Variants in PPIL1 observed in about 807,000 individuals in gnomAD.
PPIL1 encodes the protein peptidyl-prolyl cis-trans isomerase-like 1.
Under a neutral mutation model 19.4 loss-of-function variants are expected in PPIL1, and 14 were observed. The observed-to-expected ratio is 0.72, with a 90% CI of 0.48 to 1.13. The LOEUF is 1.13. Ranked by LOEUF, PPIL1 falls within the 50% of genes most tolerant of loss-of-function variation. The pLI is 0.00. For missense variants in PPIL1, 192 were observed against 218.0 expected (o/e 0.88, Z 0.75); for synonymous variants, 72 against 73.6 (o/e 0.98, Z 0.11).
At chr6:36,865,585 A>C (rs551923498) in intron 2 of PPIL1, among the ~76,000 whole-genome samples, 2 of 152,200 alleles carry the variant, frequency 1.3e-5, no homozygotes, top group South Asian at 2.1e-4. Context: ...TCCTAAATTC[A>C]AAATGCCCTT....
intron 2 of PPIL1, among the ~76,000 whole-genome samples, chr6:36,866,746 G>A (rs757553278): frequency 6.6e-6 from 1 of 152,074 alleles, no homozygotes; most frequent in African/African-American, 2.4e-5. Context: ...AACAACATGA[G>A]GGGGAGAGAG....
intron 1 of PPIL1, among the ~76,000 whole-genome samples, chr6:36,872,196 C>T (rs1261027560): frequency 1.3e-5 from 2 of 151,418 alleles, no homozygotes; most frequent in Admixed American, 6.6e-5. Context: ...CCAATATAAC[C>T]AACCCCTAAA....
Position 36,855,795 on chromosome 6 carries a change from C to T in PPIL1, c.*18G>A. 1 of 1,611,794 alleles carries T rather than the reference C, an allele frequency of 6.2e-7. No individual in the cohort carries two copies. Among genetic ancestry groups the T allele is most frequent in the South Asian group, 1.1e-5 (1 of 91,026 alleles). ...CACTGGGGCCATCTCAGAAGAGCTG[C>T]TCAAGAGGGTAGCAAGTCTACCCAG... is the stretch of plus-strand genomic sequence containing the variant. On this transcript the variant is annotated 3_prime_UTR_variant, in exon 4 of 4. Coordinates refer to ENST00000373699, the MANE Select transcript of PPIL1 (RefSeq NM_016059.5).
chr6:36,856,942 C>T (rs1389345796), intron 2 of PPIL1, among the ~76,000 whole-genome samples: 7 of 152,304 alleles, frequency 4.6e-5, no homozygotes, highest in Admixed American at 3.9e-4. Flanking sequence ...AGAACATTAT[C>T]AAAAGAACAT....
In PPIL1 at chr6:36,871,834, G is replaced by C; in HGVS notation, c.95C>G (p.Ala32Gly). ...AGCAAAGTTCTTACAGGTCTTTGGA[G>C]CATGCTTCCAGTACAGCTCCAGCAC... ...IIVLELYWKH[A>G]PKTCKNFAEL... The change falls in exon 2 of 4, where the codon GCT (alanine) becomes GGT (glycine). Residue 32 changes from alanine (A) to glycine (G), a missense_variant. Coordinates refer to ENST00000373699, the MANE Select transcript of PPIL1 (RefSeq NM_016059.5). The C allele has an allele frequency of 6.2e-7, 1 of 1,610,500 alleles. No individual in the cohort carries two copies. The highest frequency in any genetic ancestry group is 8.5e-7 in the Non-Finnish European group (1 of 1,178,800).
intron 2 of PPIL1, among the ~76,000 whole-genome samples, chr6:36,861,061 A>G (rs1021284515): frequency 2.0e-5 from 3 of 151,948 alleles, no homozygotes; most frequent in Non-Finnish European, 2.9e-5. Flanking sequence ...TATAAAAACT[A>G]TTCTTATACT....
rs541134865 is a variant in PPIL1, at chr6:36,855,628, G to T, written c.*185C>A. The T allele has an allele frequency of 6.4e-6, 4 of 625,158 alleles. No individual in the cohort carries two copies. In the South Asian group the frequency reaches 7.8e-5, roughly 12 times the overall value. The allele number at this position is 625,158 out of a possible 1,614,324, so 38.7% of individuals were successfully genotyped here. ...AAATGCTCTGGCAACCTAGGCACTG[G>T]GGGAAGAGAAAAGAAGCATCCTATT... On this transcript the variant is annotated 3_prime_UTR_variant, in exon 4 of 4. Coordinates refer to ENST00000373699, the MANE Select transcript of PPIL1 (RefSeq NM_016059.5).
In PPIL1 at chr6:36,855,455, A is replaced by G; in HGVS notation, c.*358T>C. The stretch of plus-strand genomic sequence containing the variant: ...TGTAGGCCAGAATATAAATCTCCTT[A>G]GGAAGAAGTTTGGTTAGGCAAAACC... On this transcript the variant is annotated 3_prime_UTR_variant, in exon 4 of 4. Coordinates refer to ENST00000373699, the MANE Select transcript of PPIL1 (RefSeq NM_016059.5). The G allele has an allele frequency of 2.0e-5, 6 of 297,690 alleles. No homozygotes were observed. The South Asian group carries it at 2.1e-4, about 10-fold the overall frequency. The allele number at this position is 297,690 out of a possible 1,614,324, so 18.4% of individuals were successfully genotyped here. A position where few individuals can be genotyped will look rare whatever the true frequency, so the allele number is the denominator to read the frequency against.
At chr6:36,870,340 C>T (rs1774483214) in intron 2 of PPIL1, among the ~76,000 whole-genome samples, 1 of 152,098 alleles carries the variant, frequency 6.6e-6, no homozygotes, top group Non-Finnish European at 1.5e-5. Context: ...GCCAGTAACT[C>T]CCAAATTAAT....
At chr6:36,859,365 C>T (rs1774231036) in intron 2 of PPIL1, among the ~76,000 whole-genome samples, 1 of 141,958 alleles carries the variant, frequency 7.0e-6, no homozygotes, top group African/African-American at 2.6e-5. Context: ...GCAGAGGTTG[C>T]AGTGAGCTGA....
intron 2 of PPIL1, among the ~76,000 whole-genome samples, chr6:36,857,481 C>T (rs1774191785): frequency 1.3e-5 from 2 of 151,612 alleles, no homozygotes; most frequent in Non-Finnish European, 2.9e-5. Flanking sequence ...ACCCTGACTC[C>T]ATAAATTTTT....
intron 2 of PPIL1, among the ~76,000 whole-genome samples, chr6:36,865,937 G>A (rs1258110839): frequency 6.6e-6 from 1 of 152,164 alleles, no homozygotes; most frequent in Admixed American, 6.5e-5. Context: ...TGTTCAACAC[G>A]TTACATTTCA....
chr6:36,863,745 G>A (rs1468938240), intron 2 of PPIL1, among the ~76,000 whole-genome samples: 1 of 151,916 alleles, frequency 6.6e-6, no homozygotes, highest in Non-Finnish European at 1.5e-5. Flanking sequence ...CTCTTGTCAA[G>A]GTCGCCAGTG....
At chr6:36,867,137 C>T (rs1774411035) in intron 2 of PPIL1, among the ~76,000 whole-genome samples, 1 of 152,178 alleles carries the variant, frequency 6.6e-6, no homozygotes, top group South Asian at 2.1e-4. Flanking sequence ...GCCAGGGGCT[C>T]AGATGTCCCT....
chr6:36,871,777 G>A lies in PPIL1; in HGVS notation c.152C>T (p.Thr51Ile). The A allele has an allele frequency of 6.2e-7, 1 of 1,611,354 alleles. No individual in the cohort carries two copies. Residue 51 changes from threonine (T) to isoleucine (I), a missense_variant, in exon 2 of 4, where the codon ACA becomes ATA. Thr to Ile is a moderately conservative substitution (Grantham distance 89, BLOSUM62 -1). Coordinates refer to ENST00000373699, the MANE Select transcript of PPIL1 (RefSeq NM_016059.5). Reference sequence around the variant, plus strand: ...GTCTTTGATAATTCTGTGGAATTTTGTGCCATTGTAGTAACCTCGACGAGC... The same window carrying A: ...GTCTTTGATAATTCTGTGGAATTTTATGCCATTGTAGTAACCTCGACGAGC... ...ELARRGYYNG[T>I]KFHRIIKDFM...
At position 36,871,799 on chromosome 6, in the gene PPIL1, G is replaced by A. The variant is rs964547412; in HGVS notation, c.130C>T (p.Arg44Cys). The A allele has an allele frequency of 1.3e-5, 21 of 1,611,440 alleles. No homozygotes were observed. Among genetic ancestry groups the A allele is most frequent in the Non-Finnish European group, 1.8e-5 (21 of 1,179,040 alleles). The change falls in exon 2 of 4, where the codon CGT becomes TGT. Residue 44 changes from arginine (R) to cysteine (C), a missense_variant. Coordinates refer to ENST00000373699, the MANE Select transcript of PPIL1 (RefSeq NM_016059.5). ...KTCKNFAELA[R>C]RGYYNGTKFH... is the part of the protein sequence containing the mutation. Reference sequence around the variant, plus strand: ...TTTGTGCCATTGTAGTAACCTCGACGAGCCAACTCAGCAAAGTTCTTACAG... The same window carrying A: ...TTTGTGCCATTGTAGTAACCTCGACAAGCCAACTCAGCAAAGTTCTTACAG...
At chr6:36,867,250 T>C (rs1228734303) in intron 2 of PPIL1, among the ~76,000 whole-genome samples, 1 of 152,168 alleles carries the variant, frequency 6.6e-6, no homozygotes, top group East Asian at 1.9e-4. Flanking sequence ...TAAGGGTATG[T>C]TTCAGTTATT....
Position 36,869,019 on chromosome 6 carries a change from G to T in PPIL1, c.211+2699C>A, listed in dbSNP as rs141372170. Among the ~76,000 whole-genome samples, 552 of 151,812 alleles carry T rather than the reference G, an allele frequency of 3.6e-3. 2 individuals are homozygous for T. Among genetic ancestry groups the T allele is most frequent in the African/African-American group, 0.012 (511 of 41,366 alleles). ...ATTTATTTAGAGATAGTGTCTCACT[G>T]TGTCGCTCAGGCTGGAGTGCAGTGG... is the stretch of plus-strand genomic sequence containing the variant. On this transcript the variant is annotated intron_variant, in intron 2 of 3. Transcript: ENST00000373699.
rs529941003 is a variant in PPIL1, at chr6:36,868,784, C to T, written c.211+2934G>A. On this transcript the variant is annotated intron_variant, in intron 2 of 3. Coordinates refer to ENST00000373699, the MANE Select transcript of PPIL1 (RefSeq NM_016059.5). Reference sequence around the variant, plus strand: ...CCAGGGGATGGAGATTGCAGTGAGCCATGATTGTATCACTGTACTCGAGCC... The same window carrying T: ...CCAGGGGATGGAGATTGCAGTGAGCTATGATTGTATCACTGTACTCGAGCC... 5.9e-5 allele frequency among the ~76,000 whole-genome samples: 9 copies of T among 152,040 alleles called. No individual in the cohort carries two copies. The South Asian group carries it at 1.9e-3, about 32-fold the overall frequency.
Sources: gnomAD v4.1 joint callset for allele counts (sites outside exome capture counted in the v4.1 genomes callset) on GRCh38, gnomAD v4.1.1 for gene constraint, MANE v1.5 for transcripts, NCBI Gene and HGNC (gene_info 2026-07-23, HGNC 2026-07-21) for gene names.